Variants in DNAH5 observed in about 807,000 individuals in gnomAD.
DNAH5 encodes the protein axonemal beta dynein heavy chain 5.
In DNAH5, 372 loss-of-function variants were observed where a neutral mutation model predicts 518.2. The observed-to-expected ratio is 0.72, with a 90% CI of 0.66 to 0.78. The LOEUF (loss-of-function observed/expected upper bound fraction) is 0.78, where lower values mean the gene tolerates loss of function less well. DNAH5 is among the 30% of genes least tolerant of loss of function. DNAH5 has a pLI of 0.00. For synonymous variants in DNAH5, 2,039 were observed against 2,025.9 expected (o/e 1.01, Z -0.17); for missense variants, 5,523 against 5,687.0 (o/e 0.97, Z 0.93).
Position 13,814,629 on chromosome 5 carries a change from G to T in DNAH5, c.7206C>A (p.Ile2402=), listed in dbSNP as rs747529694. 1.9e-6 allele frequency: 3 copies of T among 1,613,786 alleles called. 1 individual carries two copies. The highest frequency in any genetic ancestry group is 2.5e-6 in the Non-Finnish European group (3 of 1,179,718). Residue 2402 remains isoleucine, a synonymous_variant, in exon 43 of 79, where the codon ATC becomes ATA. Coordinates refer to ENST00000265104, the MANE Select transcript of DNAH5 (RefSeq NM_001369.3). ...RNGMVFMSSS[I]LDWSPILEGF... is the part of the protein sequence containing the mutation. The stretch of plus-strand genomic sequence containing the variant: ...CCTCAAGAATAGGACTCCAATCAAG[G>T]ATAGAAGAGCTCATGAAAACCATTC...
In DNAH5 at chr5:13,810,452, T is replaced by C. The variant is rs1400443183; in HGVS notation, c.7408-192A>G. On this transcript the variant is annotated intron_variant, in intron 44 of 78. Transcript: ENST00000265104. ...AATAGCAAGCTGCCTTTAAACATAA[T>C]AGGGTTGGCCGGGCACGGTGGCTCA... 8 of 649,734 alleles carry C rather than the reference T, an allele frequency of 1.2e-5. No homozygotes were observed. In the African/African-American group the frequency reaches 1.3e-4, roughly 10 times the overall value. The allele number at this position is 649,734 out of a possible 1,614,324, so 40.2% of individuals were successfully genotyped here. A position where few individuals can be genotyped will look rare whatever the true frequency, so the allele number is the denominator to read the frequency against.
intron 15 of DNAH5, chr5:13,898,880 A>G (rs1774232926): frequency 2.8e-6 from 1 of 356,216 alleles, no homozygotes; most frequent in Non-Finnish European, 5.0e-6. Flanking sequence ...ACTGGTGACC[A>G]GTCCCTCTCT....
rs1742088373 is a variant in DNAH5 at position 13,701,336 on chromosome 5, A to T, written c.13439T>A (p.Phe4480Tyr). ...SWVFNGRPHCFWMTGFFNPQG... is the reference protein window; with the variant it reads ...SWVFNGRPHCYWMTGFFNPQG... ...GGGGTTAAAAAAACCCGTCATCCAA[A>T]AGCAGTGAGGTCGGCCATTGAAAAC... is the stretch of plus-strand genomic sequence containing the variant. The change falls in exon 77 of 79, where the codon TTT becomes TAT. Residue 4480 changes from phenylalanine to tyrosine, a missense_variant. Physicochemically the swap from Phe to Tyr is conservative, Grantham distance 22 (BLOSUM62 3). Coordinates refer to ENST00000265104, the MANE Select transcript of DNAH5 (RefSeq NM_001369.3). 6.2e-7 allele frequency: 1 copy of T among 1,614,008 alleles called. No individual in the cohort carries two copies.
chr5:13,775,463 T>C (rs1030896579), intron 55 of DNAH5, among the ~76,000 whole-genome samples: 4 of 151,378 alleles, frequency 2.6e-5, no homozygotes, highest in African/African-American at 9.8e-5. Context: ...AGATAATGGA[T>C]CGATGGATAG....
At chr5:13,880,748 A>G (rs1771546158) in intron 21 of DNAH5, among the ~76,000 whole-genome samples, 1 of 151,978 alleles carries the variant, frequency 6.6e-6, no homozygotes, top group Admixed American at 6.5e-5. Flanking sequence ...CTATCAAACC[A>G]CAAAGGAAGA....
chr5:13,778,489 A>AAGAAG (rs1754443432), intron 53 of DNAH5, among the ~76,000 whole-genome samples: 1 of 94,834 alleles, frequency 1.1e-5, no homozygotes, highest in Non-Finnish European at 2.2e-5. Context: ...GAAGGAAGGA[A>AAGAAG]GGAAGGAAGG....
In DNAH5 at chr5:13,839,282, G is replaced by C. The variant is rs181446804; in HGVS notation, c.5882+74C>G. On this transcript the variant is annotated intron_variant, in intron 35 of 78. Coordinates refer to ENST00000265104, the MANE Select transcript of DNAH5 (RefSeq NM_001369.3). Reference sequence around the variant, plus strand: ...TATAAAGAGCCTATAAACCCTAAGAGACTTTAAGCAAAAATCCCCTGAGCA... The same window carrying C: ...TATAAAGAGCCTATAAACCCTAAGACACTTTAAGCAAAAATCCCCTGAGCA... 53 of 1,418,206 alleles carry C rather than the reference G, an allele frequency of 3.7e-5. 1 individual carries two copies. The East Asian group carries it at 1.1e-3, about 30-fold the overall frequency. 87.9% of individuals were successfully genotyped at this position (1,418,206 alleles called of 1,614,324 possible).
chr5:13,713,168 C>CATAT (rs70962102), intron 75 of DNAH5, among the ~76,000 whole-genome samples: 2 of 136,512 alleles, frequency 1.5e-5, no homozygotes, highest in South Asian at 2.4e-4. Context: ...TATATACCGA[C>CATAT]ATATATATAT....
intron 1 of DNAH5, among the ~76,000 whole-genome samples, chr5:13,979,028 G>T (rs1482952800): frequency 2.0e-5 from 3 of 151,918 alleles, no homozygotes; most frequent in African/African-American, 7.3e-5. Flanking sequence ...CTCCACGAAG[G>T]CCTCGAGAAC....
chr5:13,830,975 T>C (rs191266657), intron 35 of DNAH5, among the ~76,000 whole-genome samples, 200 bp from the exon 36 acceptor site: 135 of 152,216 alleles, frequency 8.9e-4, no homozygotes, highest in Middle Eastern at 3.4e-3. Context: ...GGGTAGTCTA[T>C]GATCAACTAA....
intron 12 of DNAH5, among the ~76,000 whole-genome samples, chr5:13,906,818 G>A (rs188125392): frequency 3.3e-5 from 5 of 152,138 alleles, no homozygotes; most frequent in South Asian, 2.1e-4. Flanking sequence ...GTAAGAAACA[G>A]CAATAGTGAC....
intron 32 of DNAH5, among the ~76,000 whole-genome samples, chr5:13,843,045 G>A (rs990578112): frequency 2.0e-5 from 3 of 152,106 alleles, no homozygotes; most frequent in East Asian, 1.9e-4. Flanking sequence ...GGATTTAAGC[G>A]AAACATCAGA....
chr5:13,926,674 G>A (rs1214063701), intron 3 of DNAH5, among the ~76,000 whole-genome samples: 1 of 135,712 alleles, frequency 7.4e-6, no homozygotes, highest in Non-Finnish European at 1.6e-5. Context: ...AGGATTGCTT[G>A]CATTCTAATC....
Position 13,792,232 on chromosome 5 carries a change from A to C in DNAH5, c.8225-15T>G, listed in dbSNP as rs751654998. On this transcript the variant is annotated splice_polypyrimidine_tract_variant and intron_variant, in intron 49 of 78. Transcript: ENST00000265104. ...CCCAATCACACCTGAAAAGGGGGAA[A>C]TTACAGCATTTTGATTAGCCATTCA... 1.9e-6 allele frequency: 3 copies of C among 1,601,260 alleles called. No individual in the cohort carries two copies. The East Asian group carries it at 6.7e-5, about 36-fold the overall frequency.
chr5:13,760,087 C>T (rs966114776), intron 60 of DNAH5, among the ~76,000 whole-genome samples: 1 of 152,122 alleles, frequency 6.6e-6, no homozygotes, highest in Non-Finnish European at 1.5e-5. Flanking sequence ...CAACTGTTCC[C>T]ATGGCTCAAA....
At chr5:14,009,195 TAAAC>T (rs1784945341) in intron 1 of DNAH5, among the ~76,000 whole-genome samples, 1 of 152,192 alleles carries the variant, frequency 6.6e-6, no homozygotes, top group Non-Finnish European at 1.5e-5. Context: ...GAGGTATAAA[TAAAC>T]AGCCGCTCTG....
chr5:13,721,300 TAATGTAGTGTGGTTTCCAA>T (rs1327603200), intron 70 of DNAH5, 55 bp from the exon 71 acceptor site: 9 of 1,610,686 alleles, frequency 5.6e-6, no homozygotes, highest in Non-Finnish European at 7.6e-6. Flanking sequence ...TTCATGTAGA[TAATGTAGTGTGGTTTCCAA>T]AATTCATTTT....
At chr5:14,010,124 C>CT (rs1291370599) in intron 1 of DNAH5, among the ~76,000 whole-genome samples, 1 of 151,954 alleles carries the variant, frequency 6.6e-6, no homozygotes, top group Non-Finnish European at 1.5e-5. Context: ...CAATGATTTA[C>CT]TTTTTTCACT....
intron 78 of DNAH5, among the ~76,000 whole-genome samples, chr5:13,693,512 A>G (rs992943188): frequency 1.3e-5 from 2 of 152,214 alleles, no homozygotes; most frequent in African/African-American, 4.8e-5. Flanking sequence ...CATAAGTTTC[A>G]ATATAAAATA....
Sources: allele counts gnomAD v4.1 joint callset (sites outside exome capture counted in the v4.1 genomes callset), GRCh38; gene constraint gnomAD v4.1.1; transcripts MANE v1.5; gene names NCBI Gene and HGNC (gene_info 2026-07-23, HGNC 2026-07-21).